Variants in TBL1XR1 observed in about 807,000 individuals in gnomAD.
TBL1XR1 encodes the protein TBL1X/Y related 1.
TBL1XR1 carries 5 observed loss-of-function variants against 66.9 expected under a neutral mutation model. The observed-to-expected ratio is 0.07, with a 90% CI of 0.04 to 0.16. The LOEUF (loss-of-function observed/expected upper bound fraction) is 0.16, where lower values mean the gene tolerates loss of function less well. Among genes scored for constraint, TBL1XR1 ranks in the 10% least tolerant of loss-of-function variants. TBL1XR1 has a pLI of 1.00. For missense variants in TBL1XR1, 238 were observed against 623.2 expected, an observed-to-expected ratio of 0.38 and a Z score of 6.58; for synonymous variants, 210 against 206.0, an observed-to-expected ratio of 1.02 and a Z score of -0.17.
intron 1 of TBL1XR1, chr3:177,196,549 CGGCCGGGGTCGCCGCGCCCG>C (rs1485547801): frequency 5.4e-5 from 8 of 148,150 alleles, no homozygotes; most frequent in Non-Finnish European, 9.0e-5. Context: ...CCCAGCACGC[CGGCCGGGGTCGCCGCGCCCG>C]GGCCGGGGAC....
chr3:177,136,445 A>C (rs542358775), intron 1 of TBL1XR1, among the ~76,000 whole-genome samples: 1 of 152,236 alleles, frequency 6.6e-6, no homozygotes, highest in South Asian at 2.1e-4. Context: ...ACACCCAGCT[A>C]ATTTCTGTAC....
intron 1 of TBL1XR1, among the ~76,000 whole-genome samples, chr3:177,148,533 G>A (rs1259731429): frequency 6.6e-6 from 1 of 151,846 alleles, no homozygotes; most frequent in African/African-American, 2.4e-5. Flanking sequence ...GACCAATATG[G>A]TGAAACCCCA....
chr3:177,058,127 C>A (rs989281631), intron 3 of TBL1XR1, among the ~76,000 whole-genome samples: 2 of 152,118 alleles, frequency 1.3e-5, no homozygotes, highest in African/African-American at 2.4e-5. Context: ...CTAGATGAGA[C>A]AAACTGGTAA....
chr3:177,102,017 T>G (rs957758079), intron 1 of TBL1XR1, among the ~76,000 whole-genome samples: 1 of 152,052 alleles, frequency 6.6e-6, no homozygotes, highest in African/African-American at 2.4e-5. Context: ...TAATAAGATA[T>G]GGTACACATA....
At position 177,023,654 on chromosome 3, in the gene TBL1XR1, C is replaced by A. The variant is rs1475357412; in HGVS notation, c.*1844G>T. On this transcript the variant is annotated 3_prime_UTR_variant, in exon 16 of 16. Coordinates refer to ENST00000457928, the MANE Select transcript of TBL1XR1 (RefSeq NM_024665.7). ...TTCTCTTTACCAATAGCAAATGCTA[C>A]CCTACCTTAGTAAAACCAAGACTTG... is the stretch of plus-strand genomic sequence containing the variant. 6.6e-6 allele frequency: 1 copy of A among 152,570 alleles called. No homozygotes were observed. Among genetic ancestry groups the A allele is most frequent in the East Asian group, 1.9e-4 (1 of 5,184 alleles). 9.5% of individuals were successfully genotyped at this position (152,570 alleles called of 1,614,324 possible). A position where few individuals can be genotyped will look rare whatever the true frequency, so the allele number is the denominator to read the frequency against.
chr3:177,198,174 C>A (rs900365233), upstream of TBL1XR1, among the ~76,000 whole-genome samples: 3 of 152,094 alleles, frequency 2.0e-5, no homozygotes, highest in African/African-American at 4.8e-5. Context: ...CTGTAATAAG[C>A]GACTTTCAAA....
chr3:177,089,850 C>T (rs775362805), intron 2 of TBL1XR1, among the ~76,000 whole-genome samples: 5 of 152,104 alleles, frequency 3.3e-5, no homozygotes, highest in Non-Finnish European at 7.4e-5. Flanking sequence ...CTAAAATAAA[C>T]TAGCAAACAG....
At chr3:177,158,534 G>A (rs1731799171) in intron 1 of TBL1XR1, among the ~76,000 whole-genome samples, 1 of 151,820 alleles carries the variant, frequency 6.6e-6, no homozygotes, top group African/African-American at 2.4e-5. Flanking sequence ...GCCAATATAG[G>A]AATTTAAAAC....
At chr3:177,136,955 C>T (rs1329643464) in intron 1 of TBL1XR1, among the ~76,000 whole-genome samples, 5 of 152,256 alleles carry the variant, frequency 3.3e-5, no homozygotes, top group East Asian at 1.9e-4. Flanking sequence ...CCAATATATA[C>T]GGTCTCTCAA....
intron 1 of TBL1XR1, among the ~76,000 whole-genome samples, chr3:177,167,469 A>G (rs1732960262): frequency 6.6e-6 from 1 of 152,250 alleles, no homozygotes; most frequent in Admixed American, 6.5e-5. Flanking sequence ...ACCCTAATGT[A>G]AACTATGGAC....
intron 3 of TBL1XR1, among the ~76,000 whole-genome samples, chr3:177,063,632 CACT>C (rs1387966784): frequency 2.6e-5 from 4 of 152,228 alleles, no homozygotes; most frequent in South Asian, 2.1e-4. Context: ...AATCACTAGT[CACT>C]ACTTTTTCAC....
intron 1 of TBL1XR1, chr3:177,194,140 A>C (rs1312353725): frequency 6.6e-6 from 1 of 152,170 alleles, no homozygotes; most frequent in Non-Finnish European, 1.5e-5. Context: ...TTTTAACTTC[A>C]AGTTTCTATT....
chr3:177,066,155 A>AT (rs1719139465), intron 2 of TBL1XR1, among the ~76,000 whole-genome samples: 1 of 152,122 alleles, frequency 6.6e-6, no homozygotes, highest in Admixed American at 6.6e-5. Context: ...CAGTTAGCAG[A>AT]TTTTTTAAAA....
At chr3:177,138,146 C>T (rs1327092499) in intron 1 of TBL1XR1, among the ~76,000 whole-genome samples, 8 of 152,140 alleles carry the variant, frequency 5.3e-5, no homozygotes, top group Non-Finnish European at 1.2e-4. Flanking sequence ...ATATACTAAT[C>T]ACAACTACAA....
intron 1 of TBL1XR1, among the ~76,000 whole-genome samples, chr3:177,121,480 G>C (rs939047025): frequency 1.1e-4 from 17 of 152,154 alleles, no homozygotes; most frequent in African/African-American, 4.1e-4. Context: ...GTCCCAATTT[G>C]ACTTCACACG....
chr3:177,024,122 C>T lies in TBL1XR1; in HGVS notation c.*1376G>A, dbSNP rs1180348901. On this transcript the variant is annotated 3_prime_UTR_variant, in exon 16 of 16. Coordinates refer to ENST00000457928, the MANE Select transcript of TBL1XR1 (RefSeq NM_024665.7). ...TTACTAAAAAAAAAAAAATTAGCAGCTTAAATCTATCTATATTTGAAAAAA... is the reference window on the plus strand; with the variant it reads ...TTACTAAAAAAAAAAAAATTAGCAGTTTAAATCTATCTATATTTGAAAAAA... 6.6e-6 allele frequency: 1 copy of T among 152,022 alleles called. No individual in the cohort carries two copies. 9.4% of individuals were successfully genotyped at this position (152,022 alleles called of 1,614,324 possible).
chr3:177,095,566 G>A (rs138460614), intron 2 of TBL1XR1, among the ~76,000 whole-genome samples: 5,583 of 150,140 alleles, frequency 0.037, 207 homozygotes, highest in African/African-American at 0.086. Flanking sequence ...TGCAACCTCT[G>A]CCTCCCAGGT....
intron 15 of TBL1XR1, chr3:177,026,034 A>C (rs1412766410): frequency 3.3e-6 from 1 of 303,156 alleles, no homozygotes; most frequent in Non-Finnish European, 6.0e-6. Flanking sequence ...TGGGCCAAAA[A>C]AATTCTTCTG....
intron 1 of TBL1XR1, among the ~76,000 whole-genome samples, chr3:177,135,855 G>A (rs1431070489): frequency 1.3e-5 from 2 of 151,190 alleles, no homozygotes; most frequent in African/African-American, 2.4e-5. Context: ...TTTAAACCAT[G>A]TAAATAAAAA....
Sources: allele counts gnomAD v4.1 joint callset (sites outside exome capture counted in the v4.1 genomes callset), GRCh38; gene constraint gnomAD v4.1.1; transcripts MANE v1.5; gene names NCBI Gene and HGNC (gene_info 2026-07-23, HGNC 2026-07-21).